The following TBC1D8 variants were observed in gnomAD, a reference collection of about 807,000 sequenced individuals.
TBC1D8 encodes TBC1 domain family member 8.
A neutral mutation model predicts 118.8 loss-of-function variants in TBC1D8; 65 were observed. The ratio of observed to expected loss-of-function variants is 0.55; its 90% confidence interval spans 0.45 to 0.67. The LOEUF is 0.67. Among genes scored for constraint, TBC1D8 ranks in the 30% least tolerant of loss-of-function variants. The pLI is 0.00. For missense variants in TBC1D8, 1,376 were observed against 1,471.2 expected (o/e 0.94, Z 1.06); for synonymous variants, 566 against 595.8 (o/e 0.95, Z 0.73).
At chr2:101,025,361 G>A (rs1479540981) in intron 15 of TBC1D8, among the ~76,000 whole-genome samples, 1 of 152,086 alleles carries the variant, frequency 6.6e-6, no homozygotes, top group African/African-American at 2.4e-5. Context: ...CGCGTAGCTG[G>A]GATTACAGGA....
chr2:101,065,892 C>T (rs1395407571), intron 2 of TBC1D8, among the ~76,000 whole-genome samples: 1 of 152,094 alleles, frequency 6.6e-6, no homozygotes, highest in East Asian at 1.9e-4. Context: ...ACAGGAAAAA[C>T]ATGATGTGAT....
rs1406892687 is a variant in TBC1D8 at position 101,041,165 on chromosome 2, C to T, written c.873-780G>A. On this transcript the variant is annotated intron_variant, in intron 5 of 19. Transcript: ENST00000409318. ...CAAAAGGCTAAAAACAGACTTAACA[C>T]TTGACCAAGAAATTCCACTCCTAGG... is the stretch of plus-strand genomic sequence containing the variant. Among the ~76,000 whole-genome samples, 3 of 152,206 alleles carry T rather than the reference C, an allele frequency of 2.0e-5. No homozygotes were observed. The East Asian group carries it at 5.8e-4, about 29-fold the overall frequency.
chr2:101,057,493 T>A (rs1029178603), intron 3 of TBC1D8, among the ~76,000 whole-genome samples: 5 of 152,238 alleles, frequency 3.3e-5, no homozygotes, highest in African/African-American at 1.2e-4. Flanking sequence ...TACTCATCAC[T>A]GAGTTTCTGT....
rs756558047 is a variant in TBC1D8 at position 101,011,457 on chromosome 2, G to A, written c.2911C>T (p.Pro971Ser). The A allele has an allele frequency of 6.2e-7, 1 of 1,613,902 alleles. No homozygotes were observed. Among genetic ancestry groups the A allele is most frequent in the Admixed American group, 1.7e-5 (1 of 60,016 alleles). ...STSRPLVFGK[P>S]NGDAVDYQKQ... ...AATGAAAAGAGGTACGTGCCATTGG[G>A]TTTCCCGAAAACCAGGGGTCTCGAT... Residue 971 changes from proline (P) to serine (S), a missense_variant, in exon 18 of 20, where the codon CCC (proline) becomes TCC (serine). Coordinates refer to ENST00000409318, the MANE Select transcript of TBC1D8 (RefSeq NM_001330348.2).
intron 17 of TBC1D8, among the ~76,000 whole-genome samples, chr2:101,016,329 A>T (rs1400328136): frequency 6.6e-6 from 1 of 151,772 alleles, no homozygotes; most frequent in African/African-American, 2.4e-5. Flanking sequence ...AAAAATGCTC[A>T]TCATCACTGG....
chr2:101,010,754 C>T (rs771753722), intron 19 of TBC1D8, among the ~76,000 whole-genome samples, 175 bp downstream of exon 19: 9 of 151,768 alleles, frequency 5.9e-5, no homozygotes, highest in South Asian at 2.1e-4. Flanking sequence ...TGGTTGCACA[C>T]GCCTGTAATC....
At chr2:101,111,277 T>C (rs939610772) in intron 1 of TBC1D8, among the ~76,000 whole-genome samples, 3 of 152,218 alleles carry the variant, frequency 2.0e-5, no homozygotes, top group Non-Finnish European at 2.9e-5. Context: ...AGATGACTGC[T>C]ATTTTTCAGG....
intron 1 of TBC1D8, among the ~76,000 whole-genome samples, chr2:101,099,309 G>T (rs1286211581): frequency 6.6e-6 from 1 of 152,152 alleles, no homozygotes; most frequent in Admixed American, 6.6e-5. Context: ...GACTAAACCA[G>T]GAAGAAGTCG....
chr2:101,058,655 A>G (rs1682576846), intron 3 of TBC1D8, among the ~76,000 whole-genome samples: 1 of 152,062 alleles, frequency 6.6e-6, no homozygotes, highest in Admixed American at 6.6e-5. Flanking sequence ...ATTGGCTTTC[A>G]TTACATTTAA....
chr2:101,067,096 T>C (rs1683058836), intron 2 of TBC1D8, among the ~76,000 whole-genome samples: 1 of 152,192 alleles, frequency 6.6e-6, no homozygotes, highest in Non-Finnish European at 1.5e-5. Context: ...GTGTTGGAGA[T>C]ACAGCCAGTG....
chr2:101,109,532 A>G (rs1228971522), intron 1 of TBC1D8, among the ~76,000 whole-genome samples: 2 of 152,164 alleles, frequency 1.3e-5, no homozygotes, highest in African/African-American at 4.8e-5. Context: ...GTGCAGCCCT[A>G]CTTAGTCCGT....
intron 2 of TBC1D8, among the ~76,000 whole-genome samples, chr2:101,079,397 T>G (rs1276155880): frequency 1.3e-5 from 2 of 152,190 alleles, no homozygotes; most frequent in African/African-American, 4.8e-5. Context: ...TTCATGTATT[T>G]ATTTAAAGAC....
intron 1 of TBC1D8, among the ~76,000 whole-genome samples, chr2:101,144,084 G>A (rs1573115838): frequency 6.6e-6 from 1 of 152,282 alleles, no homozygotes; most frequent in East Asian, 1.9e-4. Context: ...TCTCCTACAT[G>A]ACATCTACAT....
At chr2:101,122,521 C>T (rs977137141) in intron 1 of TBC1D8, among the ~76,000 whole-genome samples, 3 of 148,640 alleles carry the variant, frequency 2.0e-5, no homozygotes, top group Admixed American at 6.8e-5. Context: ...TTTATAAAAT[C>T]ATGACAGAAA....
At chr2:101,020,022 G>A (rs1490275311) in intron 17 of TBC1D8, among the ~76,000 whole-genome samples, 4 of 148,876 alleles carry the variant, frequency 2.7e-5, no homozygotes, top group Non-Finnish European at 5.9e-5. Flanking sequence ...GCAGTGAGCC[G>A]AGATTGCGCC....
intron 1 of TBC1D8, among the ~76,000 whole-genome samples, chr2:101,103,744 C>T (rs552900307): frequency 9.2e-5 from 14 of 152,202 alleles, no homozygotes; most frequent in Middle Eastern, 3.4e-3. Flanking sequence ...CCACAGTTAA[C>T]ATCATACTTA....
At chr2:101,032,554 A>C in intron 10 of TBC1D8, 169 bp from the exon 11 acceptor site, 1 of 572,142 alleles carries the variant, frequency 1.7e-6, no homozygotes, top group African/African-American at 1.9e-5. Flanking sequence ...TGACAGCAAC[A>C]CAGTCCTCAC....
chr2:101,071,791 T>C (rs1238229423), intron 2 of TBC1D8, among the ~76,000 whole-genome samples: 1 of 152,204 alleles, frequency 6.6e-6, no homozygotes, highest in Non-Finnish European at 1.5e-5. Context: ...GATTTAAAAT[T>C]TGCTGTGTGA....
chr2:101,138,929 G>A (rs920198599), intron 1 of TBC1D8, among the ~76,000 whole-genome samples: 2 of 151,982 alleles, frequency 1.3e-5, no homozygotes, highest in Non-Finnish European at 2.9e-5. Context: ...CTCCACCCAG[G>A]AGCCCACCAA....
Sources: allele counts gnomAD v4.1 joint callset (sites outside exome capture counted in the v4.1 genomes callset), GRCh38; gene constraint gnomAD v4.1.1; transcripts MANE v1.5; gene names NCBI Gene and HGNC (gene_info 2026-07-23, HGNC 2026-07-21).